The following THOC2 variants were observed in gnomAD, a reference collection of about 807,000 sequenced individuals.
THOC2 encodes the protein THO complex 2.
A neutral mutation model predicts 128.4 loss-of-function variants in THOC2; 10 were observed. The observed-to-expected ratio is 0.08, with a 90% CI of 0.05 to 0.13. The LOEUF is 0.13. Ranked by LOEUF, THOC2 falls within the 10% of genes least tolerant of loss-of-function variation. THOC2 has a pLI of 1.00. For missense variants in THOC2, 535 were observed against 1,155.7 expected (o/e 0.46, Z 7.79); for synonymous variants, 393 against 396.9 (o/e 0.99, Z 0.12).
intron 7 of THOC2, among the ~76,000 whole-genome samples, chrX:123,692,142 T>C (rs1197614516): frequency 6.3e-5 from 7 of 111,878 alleles, no homozygotes; most frequent in Non-Finnish European, 1.3e-4. Flanking sequence ...TACAGCATGA[T>C]GCTCTGATTT....
intron 18 of THOC2, among the ~76,000 whole-genome samples, chrX:123,637,643 C>T (rs1375018522): frequency 9.0e-6 from 1 of 110,943 alleles, no homozygotes; most frequent in East Asian, 2.8e-4. Flanking sequence ...GCCTGTAATC[C>T]CAGCTACTCG....
At chrX:123,640,476 G>T in intron 16 of THOC2, 62 bp downstream of exon 16, 1 of 799,447 alleles carries the variant, frequency 1.3e-6, no homozygotes, top group Non-Finnish European at 1.8e-6. Flanking sequence ...ATTTCCACTT[G>T]CACTGATTTA....
intron 1 of THOC2, among the ~76,000 whole-genome samples, chrX:123,716,670 A>G (rs1407166244): frequency 9.4e-6 from 1 of 105,934 alleles, no homozygotes; most frequent in East Asian, 3.0e-4. Flanking sequence ...CGGAGCTTGC[A>G]GTGAGTCAAA....
rs2050499826 is a variant in THOC2 at position 123,697,687 on chromosome X, T to C, written c.339A>G (p.Ala113=). The C allele has an allele frequency of 2.8e-6, 3 of 1,072,169 alleles. No individual in the cohort carries two copies. Among genetic ancestry groups the C allele is most frequent in the East Asian group, 3.1e-5 (1 of 32,632 alleles). The allele number at this position is 1,072,169 out of a possible 1,213,427, so 88.4% of individuals were successfully genotyped here. ...KRDYFTQLVL[A]CLYLVSDTVL... is the part of the protein sequence containing the mutation. ...AATATTTTTAAAAACTTACCAAACA[T>C]GCTAATACCAACTGTGTAAAATAGT... The change falls in exon 5 of 39, where the codon GCA becomes GCG. Residue 113 remains alanine (A), a synonymous_variant. Transcript: ENST00000245838.
chrX:123,718,732 C>A (rs1431329637), intron 1 of THOC2, among the ~76,000 whole-genome samples: 1 of 109,126 alleles, frequency 9.2e-6, no homozygotes, highest in Non-Finnish European at 1.9e-5. Flanking sequence ...GCACTCCAAC[C>A]TAGGCAACAG....
rs2047791193 is a variant in THOC2, at chrX:123,638,790, A to G, written c.1840+144T>C. The G allele has an allele frequency of 7.2e-6, 3 of 417,340 alleles. No homozygotes were observed. The Admixed American group carries it at 1.2e-4, about 17-fold the overall frequency. 34.4% of individuals were successfully genotyped at this position (417,340 alleles called of 1,213,427 possible). On this transcript the variant is annotated intron_variant, in intron 17 of 38. Transcript: ENST00000245838. ...CACATACACACACACACACACACAC[A>G]CACACAATTGACTGACCAAACTTCA...
rs777612474 is a variant in THOC2, at chrX:123,729,878, AG to A, written c.71+3073del. Among the ~76,000 whole-genome samples the A allele has an allele frequency of 6.2e-5, 7 of 112,416 alleles. No homozygotes were observed. The East Asian group carries it at 1.7e-3, about 27-fold the overall frequency. On this transcript the variant is annotated intron_variant, in intron 1 of 38. Transcript: ENST00000245838. ...TATGAAAATGCTAACACCTATCTTT[AG>A]GAAGACACAAAAACTCCAAAGACAT...
intron 1 of THOC2, among the ~76,000 whole-genome samples, chrX:123,729,193 C>G (rs2982133): frequency 0.31 from 34,316 of 110,849 alleles, 3,952 homozygotes; most frequent in East Asian, 0.67. Flanking sequence ...TTTTGGTAGT[C>G]CTCCTTTGCC....
intron 8 of THOC2, among the ~76,000 whole-genome samples, chrX:123,681,107 C>T (rs2049757868): frequency 9.0e-6 from 1 of 111,590 alleles, no homozygotes; most frequent in African/African-American, 3.3e-5. Flanking sequence ...TCCTGCCTTT[C>T]CAGTAGGAAC....
intron 15 of THOC2, among the ~76,000 whole-genome samples, chrX:123,641,696 C>A (rs2047919310): frequency 9.0e-6 from 1 of 111,333 alleles, no homozygotes. Context: ...GCCTCCATCA[C>A]CCTGGAGGGA....
chrX:123,605,312 GA>G (rs760555184), intron 38 of THOC2, among the ~76,000 whole-genome samples: 3 of 111,725 alleles, frequency 2.7e-5, no homozygotes, highest in Non-Finnish European at 5.6e-5. Context: ...ACCGTAAGTG[GA>G]AGAGCAAGGA....
At chrX:123,728,474 A>C (rs1236436229) in intron 1 of THOC2, among the ~76,000 whole-genome samples, 2 of 111,932 alleles carry the variant, frequency 1.8e-5, no homozygotes, top group African/African-American at 6.5e-5. Context: ...ACAGGTCGAA[A>C]TGGGAAATTA....
intron 1 of THOC2, among the ~76,000 whole-genome samples, chrX:123,717,967 A>C (rs887691080): frequency 7.1e-5 from 8 of 112,720 alleles, no homozygotes; most frequent in Middle Eastern, 4.6e-3. Context: ...CTCCATATCC[A>C]CAGCTTTTGA....
At chrX:123,706,499 T>C (rs1287541123) in intron 3 of THOC2, among the ~76,000 whole-genome samples, 1 of 106,862 alleles carries the variant, frequency 9.4e-6, no homozygotes, top group Non-Finnish European at 1.9e-5. Context: ...TAGGTATATC[T>C]CCTAATGTTA....
chrX:123,646,479 A>G (rs2048131085), intron 12 of THOC2, among the ~76,000 whole-genome samples: 2 of 112,306 alleles, frequency 1.8e-5, no homozygotes, highest in Non-Finnish European at 3.8e-5. Context: ...TAATATGCAG[A>G]TAACAAGCTT....
At chrX:123,683,016 G>C (rs1235407852) in intron 8 of THOC2, among the ~76,000 whole-genome samples, 1 of 111,388 alleles carries the variant, frequency 9.0e-6, no homozygotes, top group East Asian at 2.8e-4. Flanking sequence ...TGTCTCTCAT[G>C]CTGTCCCCAA....
chrX:123,711,200 T>G lies in THOC2; in HGVS notation c.130+1650A>C, dbSNP rs746312238. On this transcript the variant is annotated intron_variant, in intron 2 of 38. Coordinates refer to ENST00000245838, the MANE Select transcript of THOC2 (RefSeq NM_001081550.2). ...CACGCAGCTAATTTTTTTTTGTTTT[T>G]GTTTTTTTTTTGGTAGAGATGGAGT... Among the ~76,000 whole-genome samples, 499 of 101,875 alleles carry G rather than the reference T, an allele frequency of 4.9e-3. 6 individuals are homozygous for G. The highest frequency in any genetic ancestry group is 0.017 in the African/African-American group (470 of 27,834). The allele number at this position is 101,875 out of a possible 115,157, so 88.5% of individuals were successfully genotyped here.
At position 123,611,467 on chromosome X, in the gene THOC2, C is replaced by T; in HGVS notation, c.4727G>A (p.Ser1576Asn). The change falls in exon 37 of 39, where the codon AGT becomes AAT. Residue 1576 changes from serine to asparagine, a missense_variant. By Grantham distance (46) the Ser-to-Asn change is conservative. Coordinates refer to ENST00000245838, the MANE Select transcript of THOC2 (RefSeq NM_001081550.2). Reference sequence around the variant, plus strand: ...TTTCTTCTCTTCCTTTCCTCCTGAACTGTCCCGTTTCTCTTTCTTTTCTAT... The same window carrying T: ...TTTCTTCTCTTCCTTTCCTCCTGAATTGTCCCGTTTCTCTTTCTTTTCTAT... ...EKIEKKEKRDSSGGKEEKKHH... is the reference protein window; with the variant it reads ...EKIEKKEKRDNSGGKEEKKHH... 1 of 1,197,746 alleles carries T rather than the reference C, an allele frequency of 8.3e-7. No individual in the cohort carries two copies. The highest frequency in any genetic ancestry group is 1.1e-6 in the Non-Finnish European group (1 of 883,538).
rs189026767 is a variant in THOC2 at position 123,660,267 on chromosome X, T to C, written c.1386+5375A>G. Among the ~76,000 whole-genome samples, 112 of 111,236 alleles carry C rather than the reference T, an allele frequency of 1.0e-3. 2 individuals carry two copies. Among genetic ancestry groups the C allele is most frequent in the Admixed American group, 9.3e-3 (97 of 10,417 alleles). On this transcript the variant is annotated intron_variant, in intron 12 of 38. Transcript: ENST00000245838. Reference sequence around the variant, plus strand: ...CTCTACCAAGTGTGTATCTTGGTAATAATATTGTATATGGTTATGTACAGG... The same window carrying C: ...CTCTACCAAGTGTGTATCTTGGTAACAATATTGTATATGGTTATGTACAGG...
Sources: allele counts gnomAD v4.1 joint callset (sites outside exome capture counted in the v4.1 genomes callset), GRCh38; gene constraint gnomAD v4.1.1; transcripts MANE v1.5; gene names NCBI Gene and HGNC (gene_info 2026-07-23, HGNC 2026-07-21).